The following TARBP1 variants were observed in gnomAD, a reference collection of about 807,000 sequenced individuals.
TARBP1 encodes tRNA guanosine 2 -O-methyltransferase TARBP1, also known as tRNA (guanosine(18)-2'-O)-methyltransferase TARBP1.
In TARBP1, 144 loss-of-function variants were observed where a neutral mutation model predicts 178.6. The ratio of observed to expected loss-of-function variants is 0.81; its 90% CI spans 0.70 to 0.93. The LOEUF (loss-of-function observed/expected upper bound fraction) is 0.93, where lower values mean the gene tolerates loss of function less well. Ranked by LOEUF, TARBP1 falls within the 40% of genes least tolerant of loss-of-function variation. The pLI is 0.00. For missense variants in TARBP1, 2,067 were observed against 2,011.7 expected (o/e 1.03, Z -0.53); for synonymous variants, 787 against 781.0 (o/e 1.01, Z -0.13).
rs1046996235 is a variant in TARBP1 at position 234,470,829 on chromosome 1, T to A, written c.1099+359A>T. On this transcript the variant is annotated intron_variant, in intron 3 of 29. Transcript: ENST00000040877. ...CGGAGTTTCACTATGTTGGCCAGGCTGGTCTTGAACTCCTGACCTCAGGTG... is the reference window on the plus strand; with the variant it reads ...CGGAGTTTCACTATGTTGGCCAGGCAGGTCTTGAACTCCTGACCTCAGGTG... Among the ~76,000 whole-genome samples the A allele has an allele frequency of 3.3e-5, 5 of 152,110 alleles. No individual in the cohort carries two copies. The East Asian group carries it at 9.7e-4, about 29-fold the overall frequency.
Position 234,472,783 on chromosome 1 carries a change from C to T in TARBP1, c.960G>A (p.Arg320=), listed in dbSNP as rs1445456170. 1 of 1,600,878 alleles carries T rather than the reference C, an allele frequency of 6.2e-7. No individual in the cohort carries two copies. The highest frequency in any genetic ancestry group is 1.8e-5 in the Admixed American group (1 of 56,560). The change falls in exon 2 of 30, where the codon AGG becomes AGA. Residue 320 remains arginine, a synonymous_variant. Transcript: ENST00000040877. ...AAAACTTTAGAAGCTCATCTTTTTT[C>T]CTCTCAGACCACCAAAACAGACTTG... ...NGPSLFWWSE[R]KKDELLKFWE... is the part of the protein sequence containing the mutation.
chr1:234,472,145 TG>T (rs1205258599), intron 2 of TARBP1, among the ~76,000 whole-genome samples: 4 of 152,094 alleles, frequency 2.6e-5, no homozygotes, highest in Non-Finnish European at 5.9e-5. Context: ...AAGACCAGCC[TG>T]GCCAACATGG....
intron 10 of TARBP1, 44 bp from the exon 11 acceptor site, chr1:234,448,623 C>T (rs893773097): frequency 4.0e-6 from 6 of 1,502,034 alleles, no homozygotes; most frequent in Non-Finnish European, 5.5e-6. Context: ...TAACAAAATC[C>T]TTCAAGGATG....
intron 1 of TARBP1, among the ~76,000 whole-genome samples, chr1:234,475,576 C>A (rs528740): frequency 0.42 from 63,807 of 151,916 alleles, 14,020 homozygotes; most frequent in African/African-American, 0.52. Context: ...GGGCCAGGAA[C>A]CTAAACGCAC....
chr1:234,458,298 C>T (rs977177408), intron 8 of TARBP1, among the ~76,000 whole-genome samples: 1 of 151,964 alleles, frequency 6.6e-6, no homozygotes, highest in Non-Finnish European at 1.5e-5. Flanking sequence ...GAGCCAAGAT[C>T]GTGCCATTGC....
At chr1:234,446,612 TACTC>T (rs909326341) in intron 12 of TARBP1, among the ~76,000 whole-genome samples, 187 bp downstream of exon 12, 104 of 103,360 alleles carry the variant, frequency 1.0e-3, no homozygotes, top group African/African-American at 3.5e-3. Context: ...CACTGGGAGA[TACTC>T]AATAAATATT....
chr1:234,417,426 A>T (rs1662547714), intron 22 of TARBP1, among the ~76,000 whole-genome samples: 1 of 152,222 alleles, frequency 6.6e-6, no homozygotes, highest in Non-Finnish European at 1.5e-5. Context: ...CCATTTTCAC[A>T]CAAAGAAGAA....
intron 4 of TARBP1, 106 bp from the exon 5 acceptor site, chr1:234,465,814 T>A (rs1405347041): frequency 1.7e-5 from 17 of 1,019,214 alleles, no homozygotes; most frequent in Non-Finnish European, 2.2e-5. Flanking sequence ...ACAGAAGACC[T>A]GCTATAAGCA....
intron 12 of TARBP1, among the ~76,000 whole-genome samples, chr1:234,437,641 G>A (rs563897683): frequency 8.5e-5 from 13 of 152,306 alleles, no homozygotes; most frequent in African/African-American, 2.9e-4. Context: ...AATGCATGAC[G>A]CAGCTATTTG....
At chr1:234,433,612 C>G (rs762553366) in intron 13 of TARBP1, 41 bp from the exon 14 acceptor site, 2 of 1,557,824 alleles carry the variant, frequency 1.3e-6, no homozygotes, top group East Asian at 4.5e-5. Flanking sequence ...CAAGCAAGGT[C>G]CATGATTTTC....
At chr1:234,462,388 C>T (rs1667942119) in intron 6 of TARBP1, among the ~76,000 whole-genome samples, 1 of 152,096 alleles carries the variant, frequency 6.6e-6, no homozygotes, top group South Asian at 2.1e-4. Flanking sequence ...CTGAAATCTA[C>T]CAAACTAAAG....
chr1:234,437,916 T>C (rs1020658878), intron 12 of TARBP1, among the ~76,000 whole-genome samples: 3 of 152,212 alleles, frequency 2.0e-5, no homozygotes, highest in African/African-American at 7.2e-5. Context: ...TATGAACTCC[T>C]GGGCTCACCT....
At chr1:234,444,800 G>A (rs1308979036) in intron 12 of TARBP1, among the ~76,000 whole-genome samples, 1 of 151,948 alleles carries the variant, frequency 6.6e-6, no homozygotes, top group Non-Finnish European at 1.5e-5. Flanking sequence ...GAACCTTCTA[G>A]AACCACTTGT....
intron 9 of TARBP1, among the ~76,000 whole-genome samples, chr1:234,455,753 T>G (rs1474173886): frequency 9.9e-5 from 15 of 152,022 alleles, no homozygotes; most frequent in Admixed American, 9.2e-4. Context: ...AAGCTAAATT[T>G]TTTAAAAAGG....
intron 12 of TARBP1, among the ~76,000 whole-genome samples, chr1:234,441,932 A>G (rs1665638740): frequency 6.6e-6 from 1 of 152,174 alleles, no homozygotes; most frequent in Non-Finnish European, 1.5e-5. Flanking sequence ...TTATCCATTC[A>G]TCTACCCATC....
At chr1:234,459,753 A>C (rs894766529) in intron 7 of TARBP1, among the ~76,000 whole-genome samples, 1 of 151,938 alleles carries the variant, frequency 6.6e-6, no homozygotes, top group Non-Finnish European at 1.5e-5. Context: ...CAGAGGTTGC[A>C]GTGAGCCGAG....
rs1056637056 is a variant in TARBP1, at chr1:234,410,464, G to A, written c.3773C>T (p.Thr1258Ile). ...ACTTACCTTTTCTGGAATATTTTGA[G>A]TAATAATGTCTAAATGTGATAAAAC... Reference protein sequence around the residue: ...LAVLSHLDIITQNIPEKKLIL... With the variant: ...LAVLSHLDIIIQNIPEKKLIL... Residue 1258 changes from threonine (T) to isoleucine (I), a missense_variant, in exon 23 of 30, where the codon ACT becomes ATT. By Grantham distance (89) the Thr-to-Ile change is moderately conservative. Coordinates refer to ENST00000040877, the MANE Select transcript of TARBP1 (RefSeq NM_005646.4). 6.7e-7 allele frequency: 1 copy of A among 1,492,506 alleles called. No individual in the cohort carries two copies. Among genetic ancestry groups the A allele is most frequent in the African/African-American group, 1.4e-5 (1 of 72,066 alleles). The allele number at this position is 1,492,506 out of a possible 1,614,324, so 92.5% of individuals were successfully genotyped here. A position where few individuals can be genotyped will look rare whatever the true frequency, so the allele number is the denominator to read the frequency against.
At chr1:234,422,521 G>A (rs569876890) in intron 20 of TARBP1, among the ~76,000 whole-genome samples, 12 of 152,110 alleles carry the variant, frequency 7.9e-5, no homozygotes, top group Non-Finnish European at 1.6e-4. Context: ...TTATTTGTGG[G>A]AGCTAAAAAA....
At chr1:234,429,756 T>A in intron 15 of TARBP1, 79 bp from the exon 16 acceptor site, 79 of 777,118 alleles carry the variant, frequency 1.0e-4, no homozygotes, top group Non-Finnish European at 1.3e-4. Context: ...CACTATCCTT[T>A]CTAAAGGTGG....
Sources: allele counts gnomAD v4.1 joint callset (sites outside exome capture counted in the v4.1 genomes callset), GRCh38; gene constraint gnomAD v4.1.1; transcripts MANE v1.5; gene names NCBI Gene and HGNC (gene_info 2026-07-23, HGNC 2026-07-21).